The following MEGF6 variants were observed in gnomAD, a reference collection of about 807,000 sequenced individuals.
The protein encoded by MEGF6 is multiple epidermal growth factor-like domains protein 6.
In MEGF6, 184 loss-of-function variants were observed where a neutral mutation model predicts 207.1. The ratio of observed to expected loss-of-function variants is 0.89; its 90% CI spans 0.79 to 1.00. The LOEUF (loss-of-function observed/expected upper bound fraction) is 1.00, where lower values mean the gene tolerates loss of function less well. Among genes scored for constraint, MEGF6 ranks in the 50% least tolerant of loss-of-function variants. The pLI is 0.00. For missense variants in MEGF6, 2,282 were observed against 2,202.9 expected, an observed-to-expected ratio of 1.04 and a Z score of -0.72; for synonymous variants, 1,038 against 910.0, an observed-to-expected ratio of 1.14 and a Z score of -2.53.
chr1:3,585,790 TGTGA>T (rs1413381220), intron 3 of MEGF6, among the ~76,000 whole-genome samples: 5 of 137,088 alleles, frequency 3.6e-5, no homozygotes, highest in South Asian at 4.8e-4. Flanking sequence ...TGTGTGTGGG[TGTGA>T]GTGACACATG....
intron 4 of MEGF6, among the ~76,000 whole-genome samples, chr1:3,577,221 C>T (rs7513242): frequency 0.047 from 7,174 of 152,246 alleles, 567 homozygotes; most frequent in African/African-American, 0.16. Context: ...GTGAAGGCCA[C>T]GTCTGCCCCA....
In MEGF6 at chr1:3,499,829, G is replaced by A. The variant is rs1041025056; in HGVS notation, c.2803C>T (p.Pro935Ser). ...CAGAAGGTGCCCCTCCAGCCGGCCGGGCAGGTGCAGGCCCCGCTGACGTGG... is the reference window on the plus strand; with the variant it reads ...CAGAAGGTGCCCCTCCAGCCGGCCGAGCAGGTGCAGGCCCCGCTGACGTGG... Reference protein sequence around the residue: ...CDHVSGACTCPAGWRGTFCEH... With the variant: ...CDHVSGACTCSAGWRGTFCEH... The change falls in exon 22 of 37, where the codon CCG becomes TCG. Residue 935 changes from proline (P) to serine (S), a missense_variant. Physicochemically the swap from Pro to Ser is moderately conservative, Grantham distance 74. Transcript: ENST00000356575. 56 of 1,553,234 alleles carry A rather than the reference G, an allele frequency of 3.6e-5. No individual in the cohort carries two copies. Among genetic ancestry groups the A allele is most frequent in the Non-Finnish European group, 4.4e-5 (51 of 1,149,242 alleles).
Position 3,594,472 on chromosome 1 carries a change from T to G in MEGF6, c.376+866A>C, listed in dbSNP as rs954949720. 1.6e-4 allele frequency among the ~76,000 whole-genome samples: 24 copies of G among 151,654 alleles called. No individual in the cohort carries two copies. The highest frequency in any genetic ancestry group is 5.1e-4 in the African/African-American group (21 of 41,226). ...AGTAACAAAATAAAAATGTGGGGAG[T>G]GCGTGACTCCCGGCCACACTCCACG... On this transcript the variant is annotated intron_variant, in intron 3 of 36. Transcript: ENST00000356575. The surrounding 1 kb of genome is among the most constrained non-coding windows in gnomAD (Gnocchi z 4.2).
chr1:3,603,775 C>T (rs1034968229), intron 1 of MEGF6, among the ~76,000 whole-genome samples: 3 of 152,132 alleles, frequency 2.0e-5, no homozygotes, highest in Non-Finnish European at 4.4e-5. Context: ...GCCGCCGCCC[C>T]GTGGGCCGGA....
rs1229264620 is a variant in MEGF6 at position 3,500,725 on chromosome 1, G to A, written c.2615C>T (p.Pro872Leu). 1 of 1,598,866 alleles carries A rather than the reference G, an allele frequency of 6.3e-7. No homozygotes were observed. Among genetic ancestry groups the A allele is most frequent in the Non-Finnish European group, 8.5e-7 (1 of 1,173,286 alleles). ...CCCGTGGCCAGCGCTGCAGTTGCAGGGGTGGCTGCAGTCAGGTCCCCAGTG... is the reference window on the plus strand; with the variant it reads ...CCCGTGGCCAGCGCTGCAGTTGCAGAGGTGGCTGCAGTCAGGTCCCCAGTG... ...TGHWGPDCSH[P>L]CNCSAGHGSC... The change falls in exon 21 of 37, where the codon CCC (proline) becomes CTC (leucine). Residue 872 changes from proline (P) to leucine (L), a missense_variant. By Grantham distance (98) the Pro-to-Leu change is moderately conservative. Coordinates refer to ENST00000356575, the MANE Select transcript of MEGF6 (RefSeq NM_001409.4).
At chr1:3,619,414 C>G in the MEGF6 span, among the ~76,000 whole-genome samples, 1 of 152,220 alleles carries the variant, frequency 6.6e-6, no homozygotes, top group African/African-American at 2.4e-5. Flanking sequence ...AGTCTTAACC[C>G]CAGTGCGTGT....
chr1:3,576,175 G>A (rs188480038), intron 4 of MEGF6, among the ~76,000 whole-genome samples: 7 of 152,364 alleles, frequency 4.6e-5, no homozygotes, highest in East Asian at 1.9e-4. Context: ...CCTGCCCAGC[G>A]CCGGGCCCTC....
At chr1:3,494,532 C>T (rs1557712516) in intron 31 of MEGF6, 33 bp from the exon 32 acceptor site, 2 of 1,575,044 alleles carry the variant, frequency 1.3e-6, no homozygotes, top group Non-Finnish European at 1.7e-6. Flanking sequence ...AGTCCTTCGG[C>T]ACCAGCCTTG....
the MEGF6 span, among the ~76,000 whole-genome samples, chr1:3,618,296 C>A: frequency 6.6e-6 from 1 of 152,164 alleles, no homozygotes; most frequent in African/African-American, 2.4e-5. This position sits in a 1 kb window ranked among gnomAD's most constrained non-coding sequence, Gnocchi z 4.7. Flanking sequence ...CTGTTTAAGA[C>A]CTTCTGGCCC....
intron 15 of MEGF6, 152 bp from the exon 16 acceptor site, chr1:3,505,708 C>T: frequency 8.9e-7 from 1 of 1,126,182 alleles, no homozygotes; most frequent in Non-Finnish European, 1.2e-6. Flanking sequence ...CCGCCCCTTC[C>T]CTGAGTGTCT....
chr1:3,531,585 G>A, intron 4 of MEGF6: 3 of 808,144 alleles, frequency 3.7e-6, no homozygotes, highest in Non-Finnish European at 4.5e-6. Context: ...TCCAGCGTGC[G>A]CGCTCCCGGA....
chr1:3,603,870 T>C (rs772733039), intron 1 of MEGF6, among the ~76,000 whole-genome samples: 2 of 152,212 alleles, frequency 1.3e-5, no homozygotes, highest in East Asian at 3.8e-4. Context: ...GCTCTTGCAA[T>C]GGAGGACTTA....
At chr1:3,512,235 GCA>G in intron 7 of MEGF6, 107 bp from the exon 8 acceptor site, 1 of 1,405,714 alleles carries the variant, frequency 7.1e-7, no homozygotes, top group East Asian at 2.4e-5. Context: ...GCCTGTGGCC[GCA>G]TGACACAGGC....
At chr1:3,544,437 G>A (rs1248176965) in intron 4 of MEGF6, among the ~76,000 whole-genome samples, 2 of 152,126 alleles carry the variant, frequency 1.3e-5, no homozygotes, top group African/African-American at 4.8e-5. Context: ...GGGCCCTCGG[G>A]GGCCTCTCCG....
intron 3 of MEGF6, among the ~76,000 whole-genome samples, chr1:3,590,165 G>A (rs924286259): frequency 6.6e-6 from 1 of 152,196 alleles, no homozygotes; most frequent in Non-Finnish European, 1.5e-5. Flanking sequence ...GTTCCTCCAC[G>A]GTTCCATCTC....
At chr1:3,499,454 T>A in intron 23 of MEGF6, 134 bp downstream of exon 23, 1 of 1,433,246 alleles carries the variant, frequency 7.0e-7, no homozygotes, top group Non-Finnish European at 9.3e-7. Context: ...CTGGCCCGAG[T>A]GAGCAAAGCA....
chr1:3,497,401 C>A (rs1245242135), intron 26 of MEGF6, 40 bp from the exon 27 acceptor site: 4 of 1,486,768 alleles, frequency 2.7e-6, no homozygotes, highest in Non-Finnish European at 2.7e-6. Context: ...CTAGGAGGGG[C>A]CCGTGGGGAT....
intron 17 of MEGF6, among the ~76,000 whole-genome samples, chr1:3,504,893 G>A (rs1641043620): frequency 6.6e-6 from 1 of 152,212 alleles, no homozygotes; most frequent in African/African-American, 2.4e-5. Flanking sequence ...GTCTGTTCTG[G>A]TCAAGCAAGA....
chr1:3,561,582 G>A (rs999520106), intron 4 of MEGF6, among the ~76,000 whole-genome samples: 9 of 152,216 alleles, frequency 5.9e-5, no homozygotes, highest in Non-Finnish European at 1.3e-4. Context: ...AGACCCGGGG[G>A]AGCTTGTGGG....
Sources: allele counts gnomAD v4.1 joint callset (sites outside exome capture counted in the v4.1 genomes callset), GRCh38; gene constraint gnomAD v4.1.1; non-coding constraint Gnocchi (gnomAD v3.1); transcripts MANE v1.5; gene names NCBI Gene and HGNC (gene_info 2026-07-23, HGNC 2026-07-21).